SLC26A3: variants seen among roughly 807,000 people sequenced by gnomAD.
The protein encoded by SLC26A3 is solute carrier family 26 member 3.
A neutral mutation model predicts 85.6 loss-of-function variants in SLC26A3; 64 were observed. The ratio of observed to expected loss-of-function variants is 0.75; its 90% CI spans 0.61 to 0.92. SLC26A3 has a LOEUF of 0.92. SLC26A3 is among the 40% of genes least tolerant of loss of function. The pLI, the probability that SLC26A3 is intolerant of heterozygous loss-of-function variation, is 0.00. For synonymous variants in SLC26A3, 349 were observed against 336.0 expected (o/e 1.04, Z -0.42); for missense variants, 922 against 927.3 (o/e 0.99, Z 0.07).
chr7:107,789,995 A>G (rs1794365540), intron 5 of SLC26A3, among the ~76,000 whole-genome samples: 2 of 152,110 alleles, frequency 1.3e-5, no homozygotes, highest in Admixed American at 1.3e-4. Context: ...CTGTCTTTGG[A>G]AGACTCATAG....
intron 13 of SLC26A3, among the ~76,000 whole-genome samples, chr7:107,777,369 C>G (rs150323600): frequency 6.6e-6 from 1 of 152,050 alleles, no homozygotes; most frequent in East Asian, 1.9e-4. Flanking sequence ...CTAAGTCGGG[C>G]GGATCACCCA....
intron 16 of SLC26A3, among the ~76,000 whole-genome samples, chr7:107,774,484 G>A (rs996862751): frequency 2.6e-5 from 4 of 152,154 alleles, no homozygotes; most frequent in African/African-American, 4.8e-5. Flanking sequence ...AGTCTGGGAG[G>A]TCAAGGCTGC....
At chr7:107,786,358 T>A (rs187584791) in intron 8 of SLC26A3, among the ~76,000 whole-genome samples, 1 of 152,292 alleles carries the variant, frequency 6.6e-6, no homozygotes, top group East Asian at 1.9e-4. Context: ...ATGGGGGTCT[T>A]GCTGTGTTGC....
At chr7:107,795,126 A>G (rs1016765106) in intron 1 of SLC26A3, among the ~76,000 whole-genome samples, 1 of 152,188 alleles carries the variant, frequency 6.6e-6, no homozygotes, top group Non-Finnish European at 1.5e-5. Context: ...TTTATAGTTA[A>G]GGAAACTATG....
intron 11 of SLC26A3, among the ~76,000 whole-genome samples, chr7:107,781,557 G>A (rs932687037): frequency 6.6e-6 from 1 of 152,184 alleles, no homozygotes; most frequent in Non-Finnish European, 1.5e-5. Context: ...GTGAGTGTGT[G>A]TGCGTTTATT....
In SLC26A3 at chr7:107,783,302, C is replaced by T. The variant is rs923181529; in HGVS notation, c.1022G>A (p.Gly341Glu). 1 of 1,614,178 alleles carries T rather than the reference C, an allele frequency of 6.2e-7. No individual in the cohort carries two copies. The highest frequency in any genetic ancestry group is 8.5e-7 in the Non-Finnish European group (1 of 1,180,022). Residue 341 changes from glycine to glutamate, a missense_variant, in exon 9 of 21, where the codon GGA becomes GAA. Transcript: ENST00000340010. Reference sequence around the variant, plus strand: ...AACCATTGCGATGCCGAAGCAATCTCCTACGGTGTTTTGGAAAGTCTCCAC... The same window carrying T: ...AACCATTGCGATGCCGAAGCAATCTTCTACGGTGTTTTGGAAAGTCTCCAC... Reference protein sequence around the residue: ...PDVETFQNTVGDCFGIAMVAF... With the variant: ...PDVETFQNTVEDCFGIAMVAF...
At chr7:107,780,858 A>G (rs937740202) in intron 11 of SLC26A3, among the ~76,000 whole-genome samples, 2 of 152,210 alleles carry the variant, frequency 1.3e-5, no homozygotes, top group African/African-American at 4.8e-5. Context: ...TCTACTTAAC[A>G]TACTATACTA....
intron 3 of SLC26A3, among the ~76,000 whole-genome samples, chr7:107,793,243 C>T (rs77143147): frequency 0.011 from 1,634 of 152,238 alleles, 28 homozygotes; most frequent in African/African-American, 0.038. Flanking sequence ...TAGTGATATA[C>T]CCAAGAAAAT....
chr7:107,781,025 C>A (rs952562346), intron 11 of SLC26A3, among the ~76,000 whole-genome samples: 1 of 151,574 alleles, frequency 6.6e-6, no homozygotes, highest in Non-Finnish European at 1.5e-5. Context: ...TGCGAAGAGA[C>A]TTTTTTTTTC....
chr7:107,791,591 C>G (rs915884424), intron 4 of SLC26A3, among the ~76,000 whole-genome samples: 1 of 151,584 alleles, frequency 6.6e-6, no homozygotes, highest in Admixed American at 6.6e-5. Context: ...CAACCTGGGC[C>G]ACAAGAGCAA....
chr7:107,777,379 A>G (rs1794134557), intron 13 of SLC26A3, among the ~76,000 whole-genome samples: 1 of 152,112 alleles, frequency 6.6e-6, no homozygotes, highest in Admixed American at 6.6e-5. Flanking sequence ...CGGATCACCC[A>G]AAGTCAGGAA....
intron 7 of SLC26A3, 54 bp downstream of exon 7, chr7:107,787,303 T>TACAACATATAAACAGTAGAGTAG: frequency 6.3e-7 from 1 of 1,595,202 alleles, no homozygotes; most frequent in Non-Finnish European, 8.6e-7. Flanking sequence ...GTGAAGGACT[T>TACAACATATAAACAGTAGAGTAG]ACAACATATA....
intron 1 of SLC26A3, among the ~76,000 whole-genome samples, chr7:107,800,171 A>G (rs1199905690): frequency 6.6e-6 from 1 of 152,140 alleles, no homozygotes; most frequent in Non-Finnish European, 1.5e-5. Flanking sequence ...TTCTTCTCCA[A>G]TACCTGGTAG....
chr7:107,800,237 G>A (rs932328578), intron 1 of SLC26A3, among the ~76,000 whole-genome samples: 42 of 152,342 alleles, frequency 2.8e-4, no homozygotes, highest in African/African-American at 1.0e-3. Flanking sequence ...GCTCATGCCT[G>A]TAATTTTGGC....
chr7:107,767,453 G>A, intron 20 of SLC26A3, 126 bp downstream of exon 20: 12 of 737,048 alleles, frequency 1.6e-5, no homozygotes, highest in Non-Finnish European at 2.9e-5. Context: ...AGTTTTCTAG[G>A]GATGAGGCAC....
At chr7:107,796,806 GCA>G (rs1794509770) in intron 1 of SLC26A3, among the ~76,000 whole-genome samples, 1 of 151,336 alleles carries the variant, frequency 6.6e-6, no homozygotes, top group African/African-American at 2.4e-5. Flanking sequence ...TCAGCACTGT[GCA>G]TTTGTACTTC....
Position 107,787,506 on chromosome 7 carries a change from G to C in SLC26A3, c.739C>G (p.Leu247Val). 1 of 1,612,822 alleles carries C rather than the reference G, an allele frequency of 6.2e-7. No individual in the cohort carries two copies. Among genetic ancestry groups the C allele is most frequent in the African/African-American group, 1.3e-5 (1 of 75,006 alleles). ...TCTATTTGTGAGAATACAGAGTATA[G>C]TACCTACAATTATAAAAACAAAAAC... is the stretch of plus-strand genomic sequence containing the variant. Reference protein sequence around the residue: ...HTDPVSIFKVLYSVFSQIEKT... With the variant: ...HTDPVSIFKVVYSVFSQIEKT... Residue 247 changes from leucine (L) to valine (V), a missense_variant, in exon 7 of 21, where the codon CTA (leucine) becomes GTA (valine). Leu to Val is a conservative substitution (Grantham distance 32). Transcript: ENST00000340010.
chr7:107,791,625 AAAATAAATAAAT>A (rs3076033), intron 4 of SLC26A3, among the ~76,000 whole-genome samples, 193 bp downstream of exon 4: 1 of 149,460 alleles, frequency 6.7e-6, no homozygotes, highest in African/African-American at 2.5e-5. Flanking sequence ...AAAATAAATA[AAAATAAATAAAT>A]AAATAAATAA....
At chr7:107,774,519 G>A (rs534341063) in intron 16 of SLC26A3, among the ~76,000 whole-genome samples, 5 of 152,260 alleles carry the variant, frequency 3.3e-5, no homozygotes, top group African/African-American at 9.6e-5. Flanking sequence ...GCACCACTGC[G>A]CTCCAGCCTA....
Sources: allele counts gnomAD v4.1 joint callset (sites outside exome capture counted in the v4.1 genomes callset), GRCh38; gene constraint gnomAD v4.1.1; transcripts MANE v1.5; gene names NCBI Gene and HGNC (gene_info 2026-07-23, HGNC 2026-07-21).